SEC63: variants seen among roughly 807,000 people sequenced by gnomAD.
The protein encoded by SEC63 is SEC63 protein translocation regulator.
SEC63 carries 56 observed loss-of-function variants against 116.2 expected under a neutral mutation model. That is an observed-to-expected ratio of 0.48 (90% CI 0.39 to 0.60). SEC63 has a LOEUF of 0.60. Ranked by LOEUF, SEC63 falls within the 20% of genes least tolerant of loss-of-function variation. SEC63 has a pLI of 0.00. For missense variants in SEC63, 668 were observed against 900.0 expected (o/e 0.74, Z 3.30); for synonymous variants, 273 against 294.6 (o/e 0.93, Z 0.75).
intron 14 of SEC63, among the ~76,000 whole-genome samples, chr6:107,895,023 T>C (rs1409805388): frequency 6.6e-6 from 1 of 152,254 alleles, no homozygotes; most frequent in Non-Finnish European, 1.5e-5. Context: ...AGAAAAAGGT[T>C]GCCACTCCCT....
intron 4 of SEC63, among the ~76,000 whole-genome samples, chr6:107,920,425 C>CAAAAAA (rs34816965): frequency 1.3e-3 from 93 of 73,320 alleles, no homozygotes; most frequent in African/African-American, 1.4e-3. Context: ...GACTCCGTCT[C>CAAAAAA]AAAAAAAAAA....
intron 1 of SEC63, chr6:107,957,677 C>T (rs1770737755): frequency 2.6e-6 from 1 of 387,108 alleles, no homozygotes; most frequent in Non-Finnish European, 4.4e-6. Flanking sequence ...GAGCGAAACT[C>T]CTGAGGACAA....
chr6:107,910,999 C>T (rs1787271452), intron 7 of SEC63, among the ~76,000 whole-genome samples: 1 of 152,136 alleles, frequency 6.6e-6, no homozygotes. Flanking sequence ...GAGTGAGCCA[C>T]CATGCCCGGT....
intron 1 of SEC63, among the ~76,000 whole-genome samples, chr6:107,952,534 G>A (rs1770602058): frequency 6.6e-6 from 1 of 152,000 alleles, no homozygotes; most frequent in Admixed American, 6.6e-5. Context: ...GAGGTGGGCA[G>A]ATCCCTTGAG....
At chr6:107,906,855 T>C in intron 8 of SEC63, 78 bp from the exon 9 acceptor site, 4 of 1,106,268 alleles carry the variant, frequency 3.6e-6, no homozygotes, top group African/African-American at 1.5e-5. Flanking sequence ...CTTAATTCAC[T>C]TGAAAGTGAA....
rs9400163 is a variant in SEC63, at chr6:107,952,968, T to C, written c.124+4918A>G. On this transcript the variant is annotated intron_variant, in intron 1 of 20. Coordinates refer to ENST00000369002, the MANE Select transcript of SEC63 (RefSeq NM_007214.5). ...AGCCTCAAAAACAAGTATTAAAATA[T>C]GCTGCTGTGGCCAGGGAACAGTGGC... 8.0e-3 allele frequency among the ~76,000 whole-genome samples: 1,213 copies of C among 152,188 alleles called. 82 individuals are homozygous for C. In the East Asian group the frequency reaches 0.16, roughly 20 times the overall value.
chr6:107,888,869 T>A (rs1348998200), intron 16 of SEC63, among the ~76,000 whole-genome samples: 2 of 152,216 alleles, frequency 1.3e-5, no homozygotes, highest in African/African-American at 4.8e-5. Context: ...TGTCATTGGT[T>A]CTGTTTATGT....
chr6:107,913,692 G>C (rs574669164), intron 4 of SEC63, among the ~76,000 whole-genome samples: 1 of 152,274 alleles, frequency 6.6e-6, no homozygotes, highest in South Asian at 2.1e-4. Context: ...TGTTCAACCA[G>C]ATGGTTCTCA....
intron 1 of SEC63, among the ~76,000 whole-genome samples, chr6:107,947,504 T>G (rs1463841669): frequency 6.6e-6 from 1 of 151,610 alleles, no homozygotes; most frequent in South Asian, 2.1e-4. Flanking sequence ...CCCAGGAGAT[T>G]GAGGTTGCAG....
rs536416745 is a variant in SEC63 at position 107,938,456 on chromosome 6, G to A, written c.125-8942C>T. The stretch of plus-strand genomic sequence containing the variant: ...AGACAAGGAGGTCTATGTTGCCCAG[G>A]CTGGTTTCAAACTCCTGGGCTCAAG... On this transcript the variant is annotated intron_variant, in intron 1 of 20. Transcript: ENST00000369002. 7.2e-5 allele frequency among the ~76,000 whole-genome samples: 11 copies of A among 151,868 alleles called. No homozygotes were observed. In the South Asian group the frequency reaches 2.3e-3, roughly 32 times the overall value.
At chr6:107,904,817 A>G (rs1787107234) in intron 10 of SEC63, 96 bp from the exon 11 acceptor site, 2 of 911,812 alleles carry the variant, frequency 2.2e-6, no homozygotes, top group Admixed American at 3.5e-5. Context: ...AAGTTATGCC[A>G]CAAATATTTC....
chr6:107,897,943 T>C, intron 13 of SEC63, among the ~76,000 whole-genome samples: 1 of 152,188 alleles, frequency 6.6e-6, no homozygotes, highest in East Asian at 1.9e-4. Flanking sequence ...ATCCTTAAAA[T>C]AGCTCTACAA....
At position 107,953,383 on chromosome 6, in the gene SEC63, C is replaced by T. The variant is rs1438921154; in HGVS notation, c.124+4503G>A. ...CAGAATTTTTCAGATTTGCCCCGTC[C>T]GGGAAGGAGGTGGGGGGGTCAGCCC... On this transcript the variant is annotated intron_variant, in intron 1 of 20. Coordinates refer to ENST00000369002, the MANE Select transcript of SEC63 (RefSeq NM_007214.5). Among the ~76,000 whole-genome samples the T allele has an allele frequency of 5.9e-5, 9 of 152,208 alleles. No homozygotes were observed. In the South Asian group the frequency reaches 1.0e-3, roughly 17 times the overall value.
At chr6:107,946,448 C>G (rs144215597) in intron 1 of SEC63, among the ~76,000 whole-genome samples, 3 of 151,274 alleles carry the variant, frequency 2.0e-5, no homozygotes, top group Admixed American at 6.6e-5. Context: ...AAACAATCTG[C>G]CCGCCTTCAG....
rs2114383315 is a variant in SEC63 at position 107,870,385 on chromosome 6, G to T, written c.*1319C>A. The T allele has an allele frequency of 6.6e-6, 1 of 152,666 alleles. No individual in the cohort carries two copies. The highest frequency in any genetic ancestry group is 1.9e-4 in the East Asian group (1 of 5,184). 9.5% of individuals were successfully genotyped at this position (152,666 alleles called of 1,614,324 possible). A position where few individuals can be genotyped will look rare whatever the true frequency, so the allele number is the denominator to read the frequency against. ...CCGGTAGTATTCTGCACTGAAAGTGGCAACCTTTTAAAGTAAACAAGGTTG... is the reference window on the plus strand; with the variant it reads ...CCGGTAGTATTCTGCACTGAAAGTGTCAACCTTTTAAAGTAAACAAGGTTG... On this transcript the variant is annotated 3_prime_UTR_variant, in exon 21 of 21. Coordinates refer to ENST00000369002, the MANE Select transcript of SEC63 (RefSeq NM_007214.5).
intron 13 of SEC63, among the ~76,000 whole-genome samples, chr6:107,900,049 G>A (rs975725952): frequency 6.6e-6 from 1 of 152,082 alleles, no homozygotes; most frequent in Non-Finnish European, 1.5e-5. Context: ...TCTTACCACT[G>A]CTTCCCTAGC....
intron 20 of SEC63, 83 bp downstream of exon 20, chr6:107,872,725 C>T (rs1016842246): frequency 9.4e-6 from 8 of 852,874 alleles, no homozygotes; most frequent in East Asian, 2.5e-5. Context: ...CATAACTCTA[C>T]ATTTCAAAAC....
chr6:107,888,826 T>C (rs1182316012), intron 16 of SEC63, among the ~76,000 whole-genome samples: 3 of 152,222 alleles, frequency 2.0e-5, no homozygotes, highest in Non-Finnish European at 4.4e-5. Flanking sequence ...TTGAAGGCCT[T>C]TTCTGCATCT....
intron 18 of SEC63, chr6:107,877,522 C>A (rs1786309699): frequency 6.6e-6 from 1 of 152,280 alleles, no homozygotes; most frequent in African/African-American, 2.4e-5. Context: ...CACCTCACTG[C>A]AACCTCTGCC....
Sources: allele counts gnomAD v4.1 joint callset (sites outside exome capture counted in the v4.1 genomes callset), GRCh38; gene constraint gnomAD v4.1.1; transcripts MANE v1.5; gene names NCBI Gene and HGNC (gene_info 2026-07-23, HGNC 2026-07-21).